The following NFIB variants were observed in gnomAD, a reference collection of about 807,000 sequenced individuals.
NFIB encodes the protein nuclear factor 1 B-type.
Under a neutral mutation model 61.5 loss-of-function variants are expected in NFIB, and 11 were observed. That is an observed-to-expected ratio of 0.18 (90% CI 0.11 to 0.30). The LOEUF (loss-of-function observed/expected upper bound fraction) is 0.30. Ranked by LOEUF, NFIB falls within the 10% of genes least tolerant of loss-of-function variation. The pLI is 1.00. For synonymous variants in NFIB, 260 were observed against 216.5 expected, an observed-to-expected ratio of 1.20 and a Z score of -1.76; for missense variants, 471 against 608.9, an observed-to-expected ratio of 0.77 and a Z score of 2.38.
chr9:14,408,101 C>T, the NFIB span, among the ~76,000 whole-genome samples: 1 of 152,090 alleles, frequency 6.6e-6, no homozygotes. Context: ...CAAGAAATTG[C>T]CAATTATGTT....
chr9:14,184,763 T>C (rs1338873623), intron 2 of NFIB, among the ~76,000 whole-genome samples: 1 of 152,124 alleles, frequency 6.6e-6, no homozygotes, highest in African/African-American at 2.4e-5. Context: ...CTCACGCCTG[T>C]AAATCCCAGC....
At chr9:14,103,373 G>A (rs952945624) in intron 10 of NFIB, among the ~76,000 whole-genome samples, 6 of 151,684 alleles carry the variant, frequency 4.0e-5, no homozygotes, top group East Asian at 1.9e-4. Flanking sequence ...GAAAATCATC[G>A]TTTTTAACCT....
chr9:14,143,968 G>A (rs2042015492), intron 6 of NFIB, among the ~76,000 whole-genome samples: 1 of 146,152 alleles, frequency 6.8e-6, no homozygotes, highest in Non-Finnish European at 1.5e-5. Flanking sequence ...AAGTCTTCAG[G>A]GTCTTCAGAA....
At chr9:14,217,423 G>C (rs1373000807) in intron 2 of NFIB, among the ~76,000 whole-genome samples, 1 of 152,098 alleles carries the variant, frequency 6.6e-6, no homozygotes, top group Non-Finnish European at 1.5e-5. Flanking sequence ...CATTTTGGGA[G>C]GCCAAGGTGG....
At chr9:14,328,130 C>T (rs1427990680) in intron 1 of NFIB, among the ~76,000 whole-genome samples, 1 of 152,162 alleles carries the variant, frequency 6.6e-6, no homozygotes, top group South Asian at 2.1e-4. Flanking sequence ...ATATCTGGCA[C>T]CTTCTGAATT....
chr9:14,104,210 G>A (rs1240391478), intron 10 of NFIB, among the ~76,000 whole-genome samples: 2 of 151,890 alleles, frequency 1.3e-5, no homozygotes, highest in African/African-American at 4.8e-5. Flanking sequence ...ACGGGTGCCT[G>A]GTCATAAATA....
the NFIB span, among the ~76,000 whole-genome samples, chr9:14,531,119 T>C: frequency 6.6e-6 from 1 of 152,282 alleles, no homozygotes; most frequent in Non-Finnish European, 1.5e-5. Context: ...AAAGGTTTTC[T>C]TTCCCCAAAC....
intron 1 of NFIB, among the ~76,000 whole-genome samples, chr9:14,319,179 C>T (rs1344436620): frequency 6.6e-6 from 1 of 151,248 alleles, no homozygotes. Context: ...AATGCCTCTA[C>T]TCCACTGTTT....
At chr9:14,113,808 G>T (rs1351061854) in intron 9 of NFIB, among the ~76,000 whole-genome samples, 1 of 152,036 alleles carries the variant, frequency 6.6e-6, no homozygotes, top group East Asian at 1.9e-4. Flanking sequence ...AGTATATATG[G>T]TGACTATTCC....
chr9:14,128,994 A>G (rs1369563193), intron 6 of NFIB, among the ~76,000 whole-genome samples: 1 of 152,156 alleles, frequency 6.6e-6, no homozygotes, highest in Non-Finnish European at 1.5e-5. Context: ...GCTTTTACTG[A>G]GTAATTATTA....
At chr9:14,240,702 A>C (rs1320998817) in intron 2 of NFIB, among the ~76,000 whole-genome samples, 1 of 152,186 alleles carries the variant, frequency 6.6e-6, no homozygotes, top group Non-Finnish European at 1.5e-5. Context: ...ATGGTCAAAA[A>C]CATGATACCG....
intron 1 of NFIB, among the ~76,000 whole-genome samples, chr9:14,360,343 T>C (rs993614294): frequency 2.6e-5 from 4 of 152,238 alleles, no homozygotes; most frequent in Non-Finnish European, 5.9e-5. Flanking sequence ...CTTTTCATTA[T>C]ATAGTTTATA....
the NFIB span, among the ~76,000 whole-genome samples, chr9:14,446,845 C>T: frequency 2.0e-5 from 3 of 152,126 alleles, no homozygotes; most frequent in African/African-American, 7.2e-5. Context: ...TTTTAACAAT[C>T]TTATTTTATC....
At chr9:14,439,364 A>G in the NFIB span, among the ~76,000 whole-genome samples, 1 of 152,186 alleles carries the variant, frequency 6.6e-6, no homozygotes, top group Non-Finnish European at 1.5e-5. Context: ...AACGAGGCAC[A>G]GGCTACTTGA....
At chr9:14,159,319 C>T (rs777231533) in intron 3 of NFIB, among the ~76,000 whole-genome samples, 4 of 152,258 alleles carry the variant, frequency 2.6e-5, no homozygotes, top group Non-Finnish European at 4.4e-5. Context: ...GGTAGTTTAC[C>T]GAAACCATGA....
chr9:14,177,476 C>G (rs1453043599), intron 3 of NFIB, among the ~76,000 whole-genome samples: 1 of 151,922 alleles, frequency 6.6e-6, no homozygotes, highest in Non-Finnish European at 1.5e-5. Flanking sequence ...ATCATTAAGT[C>G]CAAAATAGAA....
At chr9:14,334,779 C>T (rs949062329) in intron 1 of NFIB, among the ~76,000 whole-genome samples, 5 of 152,170 alleles carry the variant, frequency 3.3e-5, no homozygotes, top group African/African-American at 9.7e-5. Flanking sequence ...CCATTACCAC[C>T]ATCAAGATAG....
the NFIB span, among the ~76,000 whole-genome samples, chr9:14,518,176 G>C: frequency 6.6e-6 from 1 of 152,170 alleles, no homozygotes. Flanking sequence ...TAAATGATAA[G>C]ACATTCGCAA....
chr9:14,435,966 G>A, the NFIB span, among the ~76,000 whole-genome samples: 3 of 152,166 alleles, frequency 2.0e-5, no homozygotes, highest in Non-Finnish European at 4.4e-5. Context: ...TGGATCTGTC[G>A]GCTTAGGTCA....
Sources: allele counts gnomAD v4.1 joint callset (sites outside exome capture counted in the v4.1 genomes callset), GRCh38; gene constraint gnomAD v4.1.1; transcripts MANE v1.5; gene names NCBI Gene and HGNC (gene_info 2026-07-23, HGNC 2026-07-21).